RSRC1: variants seen among roughly 807,000 people sequenced by gnomAD.
The protein encoded by RSRC1 is serine/Arginine-related protein 53.
RSRC1 carries 39 observed loss-of-function variants against 49.1 expected under a neutral mutation model. The observed-to-expected ratio is 0.79, with a 90% confidence interval of 0.61 to 1.04. The LOEUF (loss-of-function observed/expected upper bound fraction) is 1.04. Ranked by LOEUF, RSRC1 falls within the 50% of genes least tolerant of loss-of-function variation. RSRC1 has a pLI of 0.00. For synonymous variants in RSRC1, 143 were observed against 130.8 expected (o/e 1.09, Z -0.63); for missense variants, 388 against 402.4 (o/e 0.96, Z 0.31).
chr3:158,544,355 AC>A lies in RSRC1; in HGVS notation c.*81del. 8 of 868,390 alleles carry A rather than the reference AC, an allele frequency of 9.2e-6. No homozygotes were observed. Among genetic ancestry groups the A allele is most frequent in the Non-Finnish European group, 1.4e-5 (8 of 558,868 alleles). 53.8% of individuals were successfully genotyped at this position (868,390 alleles called of 1,614,324 possible). On this transcript the variant is annotated 3_prime_UTR_variant, in exon 10 of 10. Transcript: ENST00000611884. ...TTTTAAATCCCAATATTAACTTTTTACTCTTAAAAAGAATTTTGCTGATTAT... is the reference window on the plus strand; with the variant it reads ...TTTTAAATCCCAATATTAACTTTTTATCTTAAAAAGAATTTTGCTGATTAT...
At chr3:158,167,516 G>A (rs1230551739) in intron 3 of RSRC1, among the ~76,000 whole-genome samples, 1 of 152,128 alleles carries the variant, frequency 6.6e-6, no homozygotes, top group East Asian at 1.9e-4. Context: ...AGCTTTAGGT[G>A]GTTATTTTAG....
At chr3:158,507,812 CTT>C (rs932092360) in intron 7 of RSRC1, among the ~76,000 whole-genome samples, 51 of 152,320 alleles carry the variant, frequency 3.3e-4, no homozygotes, top group Admixed American at 3.1e-3. Flanking sequence ...ATGGCTCACT[CTT>C]ATAATCCCAG....
At chr3:158,373,090 A>C (rs1341131343) in intron 6 of RSRC1, among the ~76,000 whole-genome samples, 1 of 151,888 alleles carries the variant, frequency 6.6e-6, no homozygotes, top group Non-Finnish European at 1.5e-5. Flanking sequence ...AGTTTTTAAA[A>C]GATTCATTAG....
At chr3:158,502,455 T>C (rs1739649921) in intron 7 of RSRC1, among the ~76,000 whole-genome samples, 1 of 152,240 alleles carries the variant, frequency 6.6e-6, no homozygotes, top group African/African-American at 2.4e-5. Context: ...CCCCCAAATA[T>C]GTTTTCCAAG....
chr3:158,345,736 T>C (rs1389029543), intron 5 of RSRC1, among the ~76,000 whole-genome samples: 1 of 150,718 alleles, frequency 6.6e-6, no homozygotes, highest in Non-Finnish European at 1.5e-5. Context: ...GGATCATAAT[T>C]AGAGTCTAGA....
chr3:158,231,606 C>A (rs562203855), intron 4 of RSRC1, among the ~76,000 whole-genome samples: 72 of 152,164 alleles, frequency 4.7e-4, no homozygotes, highest in African/African-American at 1.6e-3. Flanking sequence ...TGGACAAGGT[C>A]TAATATGGTC....
intron 1 of RSRC1, among the ~76,000 whole-genome samples, chr3:158,118,974 TTAA>T (rs1279296663): frequency 7.0e-6 from 1 of 143,706 alleles, no homozygotes; most frequent in African/African-American, 3.0e-5. Flanking sequence ...ATTATAGACT[TTAA>T]CTTAACTTAA....
At chr3:158,329,832 G>A (rs1276045386) in intron 5 of RSRC1, among the ~76,000 whole-genome samples, 2 of 152,176 alleles carry the variant, frequency 1.3e-5, no homozygotes, top group Admixed American at 1.3e-4. Context: ...GCCCCCAGAG[G>A]TGGAGTCTAC....
intron 3 of RSRC1, among the ~76,000 whole-genome samples, chr3:158,135,725 C>T (rs1425428018): frequency 6.6e-6 from 1 of 152,038 alleles, no homozygotes. Context: ...AAAATGTTGA[C>T]AAGGCTTTAA....
intron 5 of RSRC1, among the ~76,000 whole-genome samples, chr3:158,318,052 T>G (rs990820772): frequency 6.6e-6 from 1 of 151,992 alleles, no homozygotes; most frequent in Admixed American, 6.6e-5. Flanking sequence ...TGTGTGTTTG[T>G]TTTTGGCGAT....
At position 158,117,846 on chromosome 3, in the gene RSRC1, A is replaced by G. The variant is rs537159196; in HGVS notation, c.-2-4257A>G. Among the ~76,000 whole-genome samples the G allele has an allele frequency of 7.4e-5, 11 of 149,272 alleles. No individual in the cohort carries two copies. In the East Asian group the frequency reaches 2.1e-3, roughly 29 times the overall value. ...TATCTGGTGCATTTTGGACTTCCAG[A>G]TTGATCCTCTTCTGTTTGTAAAATG... On this transcript the variant is annotated intron_variant, in intron 1 of 9. Coordinates refer to ENST00000611884, the MANE Select transcript of RSRC1 (RefSeq NM_001271838.2).
intron 3 of RSRC1, among the ~76,000 whole-genome samples, chr3:158,138,310 T>G (rs1028479006): frequency 6.6e-6 from 1 of 152,236 alleles, no homozygotes; most frequent in African/African-American, 2.4e-5. Context: ...AGACAGTGAC[T>G]GCACTTCTTT....
intron 4 of RSRC1, among the ~76,000 whole-genome samples, chr3:158,217,106 C>A (rs1721984189): frequency 6.6e-6 from 1 of 151,360 alleles, no homozygotes. Flanking sequence ...ATGAGTGCTC[C>A]CCACCAAGAG....
intron 3 of RSRC1, among the ~76,000 whole-genome samples, chr3:158,177,630 C>G (rs1443387348): frequency 1.3e-5 from 2 of 151,766 alleles, no homozygotes; most frequent in Non-Finnish European, 2.9e-5. Flanking sequence ...ACATCACACA[C>G]CAGGGCCTGT....
intron 6 of RSRC1, among the ~76,000 whole-genome samples, chr3:158,396,700 A>G (rs1304984865): frequency 6.6e-6 from 1 of 152,094 alleles, no homozygotes; most frequent in Non-Finnish European, 1.5e-5. Context: ...TGAGTTTAGG[A>G]TATCTGAAGG....
At chr3:158,481,831 T>A (rs1180739394) in intron 7 of RSRC1, among the ~76,000 whole-genome samples, 3 of 152,202 alleles carry the variant, frequency 2.0e-5, no homozygotes, top group Admixed American at 2.0e-4. Flanking sequence ...CCTCTGCTTT[T>A]TGTCATTTAA....
In RSRC1 at chr3:158,258,208, C is replaced by CTTT. The variant is rs71144451; in HGVS notation, c.495-39806_495-39804dup. Among the ~76,000 whole-genome samples the CTTT allele has an allele frequency of 1.4e-4, 9 of 65,766 alleles. 1 individual carries two copies. Among genetic ancestry groups the CTTT allele is most frequent in the Admixed American group, 2.1e-4 (1 of 4,698 alleles). 43.1% of individuals were successfully genotyped at this position (65,766 alleles called of 152,430 possible). A position where few individuals can be genotyped will look rare whatever the true frequency, so the allele number is the denominator to read the frequency against. Reference sequence around the variant, plus strand: ...TTCAAATTGAAGAACTCCTTTTAACCTTTTTTTTTTTTTTTTTTTTTTTTT... The same window carrying CTTT: ...TTCAAATTGAAGAACTCCTTTTAACCTTTTTTTTTTTTTTTTTTTTTTTTTTTT... On this transcript the variant is annotated intron_variant, in intron 4 of 9. Transcript: ENST00000611884.
At chr3:158,157,201 A>T (rs1341783708) in intron 3 of RSRC1, among the ~76,000 whole-genome samples, 3 of 152,238 alleles carry the variant, frequency 2.0e-5, no homozygotes, top group Non-Finnish European at 4.4e-5. Context: ...AATTAAAATA[A>T]TAATAGTAAC....
At chr3:158,323,441 C>T (rs1203404524) in intron 5 of RSRC1, among the ~76,000 whole-genome samples, 1 of 152,200 alleles carries the variant, frequency 6.6e-6, no homozygotes, top group Non-Finnish European at 1.5e-5. Flanking sequence ...TTCCAATCTT[C>T]ATCTGGTTCT....
Sources: gnomAD v4.1 joint callset for allele counts (sites outside exome capture counted in the v4.1 genomes callset) on GRCh38, gnomAD v4.1.1 for gene constraint, MANE v1.5 for transcripts, NCBI Gene and HGNC (gene_info 2026-07-23, HGNC 2026-07-21) for gene names.